The following RNGTT variants were observed in gnomAD, a reference collection of about 807,000 sequenced individuals.
The protein encoded by RNGTT is RNA guanylyltransferase and 5'-phosphatase, also known as mRNA-capping enzyme.
Under a neutral mutation model 79.3 loss-of-function variants are expected in RNGTT, and 33 were observed. That is an observed-to-expected ratio of 0.42 (90% CI 0.32 to 0.56). The LOEUF (loss-of-function observed/expected upper bound fraction) is 0.56. Among genes scored for constraint, RNGTT ranks in the 20% least tolerant of loss-of-function variants. The pLI, the probability that RNGTT is intolerant of heterozygous loss-of-function variation, is 0.17. For synonymous variants in RNGTT, 222 were observed against 235.9 expected, an observed-to-expected ratio of 0.94 and a Z score of 0.54; for missense variants, 497 against 739.1, an observed-to-expected ratio of 0.67 and a Z score of 3.80.
intron 14 of RNGTT, among the ~76,000 whole-genome samples, chr6:88,666,118 T>C (rs1774396965): frequency 6.6e-6 from 1 of 152,068 alleles, no homozygotes; most frequent in Non-Finnish European, 1.5e-5. Flanking sequence ...GGTACCAAGT[T>C]ACAAAGGGGG....
chr6:88,668,149 AG>A (rs1774489651), intron 14 of RNGTT, among the ~76,000 whole-genome samples: 1 of 152,132 alleles, frequency 6.6e-6, no homozygotes, highest in Non-Finnish European at 1.5e-5. Flanking sequence ...CAGGTGATCG[AG>A]TGTGGATCAA....
At chr6:88,748,983 T>C (rs542480679) in intron 13 of RNGTT, among the ~76,000 whole-genome samples, 1 of 152,180 alleles carries the variant, frequency 6.6e-6, no homozygotes, top group African/African-American at 2.4e-5. Context: ...ACCTTTCTTT[T>C]GGGGTAAGAA....
At chr6:88,715,844 A>T (rs887321253) in intron 13 of RNGTT, among the ~76,000 whole-genome samples, 1 of 152,208 alleles carries the variant, frequency 6.6e-6, no homozygotes, top group African/African-American at 2.4e-5. Flanking sequence ...TACATGTTAG[A>T]CCTGAAACCA....
At chr6:88,853,563 C>A in intron 9 of RNGTT, 66 bp downstream of exon 9, 8 of 992,558 alleles carry the variant, frequency 8.1e-6, no homozygotes, top group South Asian at 1.7e-5. Flanking sequence ...CAGAAATACA[C>A]ATTTACTTAC....
intron 11 of RNGTT, among the ~76,000 whole-genome samples, chr6:88,823,143 T>C (rs369643348): frequency 6.6e-6 from 1 of 152,070 alleles, no homozygotes; most frequent in African/African-American, 2.4e-5. Context: ...GTTAAGAAAA[T>C]TGGCTGGGCA....
intron 13 of RNGTT, among the ~76,000 whole-genome samples, chr6:88,748,558 C>A (rs1282451808): frequency 1.3e-5 from 2 of 152,022 alleles, no homozygotes; most frequent in African/African-American, 4.8e-5. Flanking sequence ...AATTTTTTTA[C>A]AAATACTGAT....
At chr6:88,833,749 C>A (rs1053637387) in intron 11 of RNGTT, among the ~76,000 whole-genome samples, 1 of 152,156 alleles carries the variant, frequency 6.6e-6, no homozygotes, top group Admixed American at 6.5e-5. Context: ...TTTGACAGAG[C>A]ATGGTGGCTC....
intron 1 of RNGTT, among the ~76,000 whole-genome samples, chr6:88,956,737 T>C (rs1785444132): frequency 6.6e-6 from 1 of 152,136 alleles, no homozygotes; most frequent in South Asian, 2.1e-4. Context: ...TGGTTTACCA[T>C]ACACAAGTCA....
At chr6:88,908,949 G>A (rs1336151431) in intron 4 of RNGTT, among the ~76,000 whole-genome samples, 3 of 151,950 alleles carry the variant, frequency 2.0e-5, no homozygotes, top group African/African-American at 7.3e-5. Context: ...TAAGGGGCCA[G>A]AGGACAAATG....
intron 14 of RNGTT, among the ~76,000 whole-genome samples, chr6:88,667,551 G>C (rs1490859216): frequency 6.6e-6 from 1 of 152,076 alleles, no homozygotes; most frequent in African/African-American, 2.4e-5. Context: ...GAGGTAACAA[G>C]TATCTGCTGG....
intron 10 of RNGTT, among the ~76,000 whole-genome samples, chr6:88,845,048 T>A (rs534271535): frequency 3.8e-4 from 58 of 152,284 alleles, no homozygotes; most frequent in African/African-American, 1.1e-3. Flanking sequence ...TAGTCTTTTT[T>A]AATTATTTAT....
At chr6:88,885,301 C>T (rs1252226598) in intron 8 of RNGTT, among the ~76,000 whole-genome samples, 1 of 152,070 alleles carries the variant, frequency 6.6e-6, no homozygotes, top group Admixed American at 6.5e-5. Context: ...TCCACAACAT[C>T]TAGGGGTGCC....
At chr6:88,828,882 A>C (rs1258154004) in intron 11 of RNGTT, among the ~76,000 whole-genome samples, 1 of 152,080 alleles carries the variant, frequency 6.6e-6, no homozygotes, top group Non-Finnish European at 1.5e-5. Context: ...GAAATATGGG[A>C]CTATGTGAAA....
intron 14 of RNGTT, among the ~76,000 whole-genome samples, chr6:88,674,912 C>G (rs1167518355): frequency 6.6e-6 from 1 of 152,078 alleles, no homozygotes; most frequent in African/African-American, 2.4e-5. Flanking sequence ...GTCTGGCCAA[C>G]ATGGCGAAAC....
intron 13 of RNGTT, among the ~76,000 whole-genome samples, chr6:88,754,164 A>C (rs531366092): frequency 1.8e-4 from 27 of 152,202 alleles, no homozygotes; most frequent in Admixed American, 4.6e-4. Context: ...CCAACTCCAA[A>C]ATATCAGCCT....
chr6:88,941,239 T>C, intron 1 of RNGTT, 59 bp from the exon 2 acceptor site: 1 of 1,149,160 alleles, frequency 8.7e-7, no homozygotes, highest in South Asian at 1.3e-5. Context: ...ATTAAAATTC[T>C]ATAATTAACA....
chr6:88,904,989 T>C (rs766425873), intron 5 of RNGTT, 34 bp from the exon 6 acceptor site: 9 of 1,604,940 alleles, frequency 5.6e-6, no homozygotes, highest in Non-Finnish European at 7.7e-6. Flanking sequence ...ATTTCCTCGC[T>C]ATCCTCTATT....
At chr6:88,666,933 T>C (rs1774434809) in intron 14 of RNGTT, among the ~76,000 whole-genome samples, 1 of 152,182 alleles carries the variant, frequency 6.6e-6, no homozygotes, top group South Asian at 2.1e-4. Context: ...CATGGGGCAT[T>C]ATACAAAGAA....
chr6:88,867,724 T>C (rs550426616), intron 8 of RNGTT, among the ~76,000 whole-genome samples: 185 of 152,306 alleles, frequency 1.2e-3, no homozygotes, highest in African/African-American at 4.3e-3. Context: ...AAACTAAGTA[T>C]GATCACAAGT....
Sources: allele counts gnomAD v4.1 joint callset (sites outside exome capture counted in the v4.1 genomes callset), GRCh38; gene constraint gnomAD v4.1.1; transcripts MANE v1.5; gene names NCBI Gene and HGNC (gene_info 2026-07-23, HGNC 2026-07-21).